The following SPAG16 variants were observed in gnomAD, a reference collection of about 807,000 sequenced individuals.
SPAG16 encodes sperm-associated antigen 16 protein.
SPAG16 carries 86 observed loss-of-function variants against 80.4 expected under a neutral mutation model. That is an observed-to-expected ratio of 1.07 (90% CI 0.90 to 1.28). The LOEUF is 1.28. Among genes scored for constraint, SPAG16 ranks in the 50% most tolerant of loss-of-function variants. SPAG16 has a pLI of 0.00. For synonymous variants in SPAG16, 294 were observed against 265.9 expected, an observed-to-expected ratio of 1.11 and a Z score of -1.03; for missense variants, 870 against 765.3, an observed-to-expected ratio of 1.14 and a Z score of -1.61.
intron 15 of SPAG16, among the ~76,000 whole-genome samples, chr2:214,198,770 T>C (rs183439671): frequency 2.0e-3 from 308 of 152,130 alleles, no homozygotes; most frequent in African/African-American, 7.1e-3. Context: ...CAACATCTAT[T>C]TTTTTTATTC....
chr2:214,091,993 C>T (rs1475943432), intron 13 of SPAG16, among the ~76,000 whole-genome samples: 9 of 152,088 alleles, frequency 5.9e-5, no homozygotes, highest in Non-Finnish European at 1.0e-4. Flanking sequence ...AATACAATAC[C>T]TACTTCTGTG....
chr2:214,088,413 A>G, intron 13 of SPAG16, among the ~76,000 whole-genome samples: 1 of 152,124 alleles, frequency 6.6e-6, no homozygotes. Context: ...ACCTGCTCCC[A>G]GCACTCACAG....
At chr2:213,392,888 A>G (rs2067835141) in intron 9 of SPAG16, among the ~76,000 whole-genome samples, 1 of 152,100 alleles carries the variant, frequency 6.6e-6, no homozygotes, top group South Asian at 2.1e-4. Flanking sequence ...AGCAGTTGAA[A>G]TAATTCATTT....
chr2:213,500,014 C>T (rs1368538316), intron 10 of SPAG16, among the ~76,000 whole-genome samples: 2 of 152,122 alleles, frequency 1.3e-5, no homozygotes, highest in Non-Finnish European at 2.9e-5. Flanking sequence ...GCCAGTTAAC[C>T]TTTAAACTTG....
intron 9 of SPAG16, among the ~76,000 whole-genome samples, chr2:213,383,563 A>G (rs1415821982): frequency 1.3e-5 from 2 of 152,168 alleles, no homozygotes; most frequent in African/African-American, 4.8e-5. Context: ...TGTATACCAT[A>G]TGGTGGATAC....
At chr2:213,747,947 C>A (rs1450275047) in intron 10 of SPAG16, among the ~76,000 whole-genome samples, 2 of 152,128 alleles carry the variant, frequency 1.3e-5, no homozygotes, top group Admixed American at 1.3e-4. Context: ...TGAACTTTCA[C>A]CTTTGCTTTC....
At chr2:213,970,782 A>G (rs1337380682) in intron 12 of SPAG16, among the ~76,000 whole-genome samples, 3 of 152,168 alleles carry the variant, frequency 2.0e-5, no homozygotes, top group African/African-American at 7.2e-5. Context: ...TATGTTTATC[A>G]TAAAGAGTGA....
intron 15 of SPAG16, among the ~76,000 whole-genome samples, chr2:214,381,093 T>A (rs1700423035): frequency 6.6e-6 from 1 of 152,214 alleles, no homozygotes; most frequent in African/African-American, 2.4e-5. Context: ...TTGGTATGCT[T>A]GATGAAGACG....
At position 214,073,062 on chromosome 2, in the gene SPAG16, A is replaced by C. The variant is rs574542302; in HGVS notation, c.1528-35134A>C. On this transcript the variant is annotated intron_variant, in intron 13 of 15. Coordinates refer to ENST00000331683, the MANE Select transcript of SPAG16 (RefSeq NM_024532.5). ...AGTGGCTGAATATAAGATCAACATG[A>C]AAAGATACCTTGCAGTCCTATATAC... Among the ~76,000 whole-genome samples, 14 of 152,262 alleles carry C rather than the reference A, an allele frequency of 9.2e-5. No individual in the cohort carries two copies. In the East Asian group the frequency reaches 2.5e-3, roughly 27 times the overall value.
At position 213,284,479 on chromosome 2, in the gene SPAG16, C is replaced by T; in HGVS notation, c.-5C>T. The stretch of plus-strand genomic sequence containing the variant: ...TGCTGGGGGTGGGGGCCCGAAGCGC[C>T]AGAGATGGCTGCTCAGCGAGGGATG... On this transcript the variant is annotated 5_prime_UTR_variant, in exon 1 of 16. Transcript: ENST00000331683. 1.3e-6 allele frequency: 2 copies of T among 1,563,020 alleles called. No individual in the cohort carries two copies. The highest frequency in any genetic ancestry group is 1.7e-6 in the Non-Finnish European group (2 of 1,154,284).
At chr2:213,430,190 G>A (rs1283823394) in intron 9 of SPAG16, among the ~76,000 whole-genome samples, 1 of 152,092 alleles carries the variant, frequency 6.6e-6, no homozygotes, top group East Asian at 1.9e-4. Context: ...TTCATTGAAA[G>A]GATTACAAAA....
At chr2:213,439,938 C>A (rs2070841974) in intron 9 of SPAG16, among the ~76,000 whole-genome samples, 1 of 152,100 alleles carries the variant, frequency 6.6e-6, no homozygotes, top group African/African-American at 2.4e-5. Context: ...AAAAAGTATA[C>A]AATACCTCTT....
intron 10 of SPAG16, among the ~76,000 whole-genome samples, chr2:213,553,670 C>T (rs1374279466): frequency 6.6e-6 from 1 of 152,148 alleles, no homozygotes; most frequent in African/African-American, 2.4e-5. Flanking sequence ...GACCATACCC[C>T]AGACCTGGGC....
At chr2:213,319,494 G>GA (rs1351430773) in intron 5 of SPAG16, among the ~76,000 whole-genome samples, 1 of 151,850 alleles carries the variant, frequency 6.6e-6, no homozygotes, top group Non-Finnish European at 1.5e-5. Flanking sequence ...TATATTACTA[G>GA]AACCAGTGTT....
At chr2:213,650,663 ACTTCTATCTGCC>A (rs1281928400) in intron 10 of SPAG16, among the ~76,000 whole-genome samples, 1 of 152,200 alleles carries the variant, frequency 6.6e-6, no homozygotes, top group East Asian at 1.9e-4. Flanking sequence ...TGCAGCAGAT[ACTTCTATCTGCC>A]CTTTTCCACT....
At chr2:214,395,769 G>A (rs528709439) in intron 15 of SPAG16, among the ~76,000 whole-genome samples, 2 of 151,864 alleles carry the variant, frequency 1.3e-5, no homozygotes, top group South Asian at 4.2e-4. Flanking sequence ...ACTTATAAGT[G>A]AGAACATGCA....
chr2:213,552,324 C>A (rs985685007), intron 10 of SPAG16, among the ~76,000 whole-genome samples: 1 of 152,172 alleles, frequency 6.6e-6, no homozygotes, highest in Non-Finnish European at 1.5e-5. Context: ...CCTCCACCAA[C>A]CAACAACAAA....
At chr2:214,393,838 A>C (rs941675966) in intron 15 of SPAG16, among the ~76,000 whole-genome samples, 1 of 152,184 alleles carries the variant, frequency 6.6e-6, no homozygotes, top group African/African-American at 2.4e-5. Context: ...TTGAAGGGTG[A>C]ATATTGTGCT....
intron 10 of SPAG16, among the ~76,000 whole-genome samples, chr2:213,624,587 G>A (rs917279880): frequency 6.6e-6 from 1 of 152,142 alleles, no homozygotes; most frequent in African/African-American, 2.4e-5. Context: ...TGCACATTAA[G>A]TTATGTTAAA....
Sources: allele counts gnomAD v4.1 joint callset (sites outside exome capture counted in the v4.1 genomes callset), GRCh38; gene constraint gnomAD v4.1.1; transcripts MANE v1.5; gene names NCBI Gene and HGNC (gene_info 2026-07-23, HGNC 2026-07-21).